The following SOS2 variants were observed in gnomAD, a reference collection of about 807,000 sequenced individuals.
SOS2 encodes SOS Ras/Rho guanine nucleotide exchange factor 2, also known as son of sevenless homolog 2.
In SOS2, 65 loss-of-function variants were observed where a neutral mutation model predicts 148.2. The observed-to-expected ratio is 0.44, with a 90% CI of 0.36 to 0.54. The LOEUF (loss-of-function observed/expected upper bound fraction) is 0.54, where lower values mean the gene tolerates loss of function less well. SOS2 is among the 20% of genes least tolerant of loss of function. SOS2 has a pLI of 0.00. For missense variants in SOS2, 1,341 were observed against 1,590.2 expected, an observed-to-expected ratio of 0.84 and a Z score of 2.67; for synonymous variants, 539 against 537.1, an observed-to-expected ratio of 1.00 and a Z score of -0.05.
chr14:50,207,497 C>A lies in SOS2; in HGVS notation c.88-3088G>T, dbSNP rs146823086. Reference sequence around the variant, plus strand: ...CTGCGCTCCAGCCTGGGGGAATGAGCAAGACCTCATCTCTAAAAGAAAACA... The same window carrying A: ...CTGCGCTCCAGCCTGGGGGAATGAGAAAGACCTCATCTCTAAAAGAAAACA... On this transcript the variant is annotated intron_variant, in intron 1 of 22. Transcript: ENST00000216373. 2.1e-3 allele frequency among the ~76,000 whole-genome samples: 322 copies of A among 150,996 alleles called. 2 individuals carry two copies. The highest frequency in any genetic ancestry group is 7.2e-3 in the African/African-American group (295 of 41,064).
chr14:50,134,811 C>A lies in SOS2; in HGVS notation c.2959-572G>T, dbSNP rs191680019. Among the ~76,000 whole-genome samples the A allele has an allele frequency of 4.8e-3, 724 of 152,078 alleles. 3 individuals carry two copies. Among genetic ancestry groups the A allele is most frequent in the Non-Finnish European group, 7.8e-3 (528 of 67,982 alleles). On this transcript the variant is annotated intron_variant, in intron 18 of 22. Coordinates refer to ENST00000216373, the MANE Select transcript of SOS2 (RefSeq NM_006939.4). ...ATTATAGGCCGAGCACGGTGGCTCA[C>A]GCCTGTAATCCCACCACTTTGGGAG... is the stretch of plus-strand genomic sequence containing the variant.
chr14:50,190,795 A>C (rs1712771679), intron 4 of SOS2, among the ~76,000 whole-genome samples: 1 of 152,186 alleles, frequency 6.6e-6, no homozygotes, highest in Admixed American at 6.6e-5. Context: ...TACTCCATGC[A>C]ATCCACCTTC....
intron 16 of SOS2, 123 bp from the exon 17 acceptor site, chr14:50,140,182 A>G: frequency 1.8e-6 from 1 of 566,076 alleles, no homozygotes; most frequent in Non-Finnish European, 3.2e-6. Flanking sequence ...ACATTAAAAG[A>G]TGAGTGGTAT....
At chr14:50,164,920 C>T (rs1316180013) in intron 8 of SOS2, among the ~76,000 whole-genome samples, 1 of 152,132 alleles carries the variant, frequency 6.6e-6, no homozygotes, top group African/African-American at 2.4e-5. Context: ...CAATTTTTAA[C>T]ATTTTGTCAC....
At chr14:50,210,629 A>G (rs911706174) in intron 1 of SOS2, among the ~76,000 whole-genome samples, 4 of 152,158 alleles carry the variant, frequency 2.6e-5, no homozygotes, top group Non-Finnish European at 5.9e-5. Context: ...AGATATATGT[A>G]GTACATGTAA....
In SOS2 at chr14:50,117,191, G is replaced by C. The variant is rs1336304540; in HGVS notation, c.*1153C>G. 13 of 152,196 alleles carry C rather than the reference G, an allele frequency of 8.5e-5. No homozygotes were observed. Among genetic ancestry groups the C allele is most frequent in the Admixed American group, 8.5e-4 (13 of 15,276 alleles). 9.4% of individuals were successfully genotyped at this position (152,196 alleles called of 1,614,324 possible). On this transcript the variant is annotated 3_prime_UTR_variant, in exon 23 of 23. Transcript: ENST00000216373. The stretch of plus-strand genomic sequence containing the variant: ...GTTAAGAACTCTGATACAAAGCACA[G>C]TAAAAGGCCACAAACCAGTAAATAA...
intron 1 of SOS2, among the ~76,000 whole-genome samples, chr14:50,211,503 G>T (rs1489701012): frequency 6.6e-6 from 1 of 151,156 alleles, no homozygotes; most frequent in African/African-American, 2.4e-5. Context: ...ATGTCCATGG[G>T]TACCCCATGT....
chr14:50,161,358 A>G (rs998636518), intron 9 of SOS2, 124 bp downstream of exon 9: 11 of 775,388 alleles, frequency 1.4e-5, no homozygotes, highest in African/African-American at 5.3e-5. Context: ...AAAGTATATA[A>G]AAGTATGACA....
chr14:50,161,321 G>GA (rs1180895974), intron 9 of SOS2, among the ~76,000 whole-genome samples, 161 bp downstream of exon 9: 3 of 151,126 alleles, frequency 2.0e-5, no homozygotes, highest in Non-Finnish European at 4.4e-5. Flanking sequence ...AAAGGAAAAG[G>GA]AAAAAAGAGA....
chr14:50,228,610 C>T (rs1031317461), intron 1 of SOS2, among the ~76,000 whole-genome samples: 1 of 152,278 alleles, frequency 6.6e-6, no homozygotes, highest in Non-Finnish European at 1.5e-5. Flanking sequence ...AAATTACGTT[C>T]TAACAGTTTT....
chr14:50,161,230 C>T lies in SOS2; in HGVS notation c.1196+252G>A, dbSNP rs7154198. 0.9 allele frequency among the ~76,000 whole-genome samples: 136,334 copies of T among 150,724 alleles called. 61,857 individuals are homozygous for T. The highest frequency in any genetic ancestry group is 0.97 in the African/African-American group (39,995 of 41,074). On this transcript the variant is annotated intron_variant, in intron 9 of 22. Coordinates refer to ENST00000216373, the MANE Select transcript of SOS2 (RefSeq NM_006939.4). ...ATCATTGGAACGCAGGAGGCTAAGGCTGCAGGTTGCAGTGAGCTGAGATTA... is the reference window on the plus strand; with the variant it reads ...ATCATTGGAACGCAGGAGGCTAAGGTTGCAGGTTGCAGTGAGCTGAGATTA...
chr14:50,148,477 A>C (rs542888228), intron 14 of SOS2, among the ~76,000 whole-genome samples: 90 of 152,188 alleles, frequency 5.9e-4, no homozygotes, highest in African/African-American at 2.0e-3. Flanking sequence ...CTATGTCCTG[A>C]AAGTAGGTCC....
chr14:50,226,719 T>C (rs991696797), intron 1 of SOS2, among the ~76,000 whole-genome samples: 6 of 152,224 alleles, frequency 3.9e-5, no homozygotes, highest in Non-Finnish European at 8.8e-5. Flanking sequence ...AAAACAGCCA[T>C]GTTCTTTTCT....
intron 1 of SOS2, among the ~76,000 whole-genome samples, chr14:50,224,161 C>G (rs1170463889): frequency 6.6e-6 from 1 of 151,152 alleles, no homozygotes; most frequent in African/African-American, 2.4e-5. Flanking sequence ...CGTGGTGGTG[C>G]GCGCCTGTAA....
At chr14:50,138,948 T>C (rs1884175322) in intron 17 of SOS2, among the ~76,000 whole-genome samples, 164 bp from the exon 18 acceptor site, 1 of 152,054 alleles carries the variant, frequency 6.6e-6, no homozygotes, top group Non-Finnish European at 1.5e-5. Flanking sequence ...TCATTAACTC[T>C]CCATTAAGCA....
chr14:50,190,533 C>G (rs1018925317), intron 4 of SOS2, among the ~76,000 whole-genome samples: 11 of 152,190 alleles, frequency 7.2e-5, no homozygotes, highest in African/African-American at 2.7e-4. Flanking sequence ...GATTACTCCA[C>G]TAAACAATCA....
intron 21 of SOS2, among the ~76,000 whole-genome samples, chr14:50,125,326 G>A (rs1249349077): frequency 1.3e-5 from 2 of 152,196 alleles, no homozygotes; most frequent in Admixed American, 1.3e-4. Flanking sequence ...TCTTCTCCAA[G>A]TTTCAGAGTA....
At chr14:50,130,834 C>T in intron 19 of SOS2, 72 bp from the exon 20 acceptor site, 1 of 1,320,096 alleles carries the variant, frequency 7.6e-7, no homozygotes, top group Non-Finnish European at 1.0e-6. Context: ...CTTAGAGCTA[C>T]CTTATTAGTC....
intron 17 of SOS2, among the ~76,000 whole-genome samples, chr14:50,139,308 C>A (rs910725089): frequency 6.6e-6 from 1 of 152,026 alleles, no homozygotes. Flanking sequence ...CTTTTTCATG[C>A]GTAATTGCTG....
Sources: allele counts gnomAD v4.1 joint callset (sites outside exome capture counted in the v4.1 genomes callset), GRCh38; gene constraint gnomAD v4.1.1; transcripts MANE v1.5; gene names NCBI Gene and HGNC (gene_info 2026-07-23, HGNC 2026-07-21).